Variants in KALRN observed in about 807,000 individuals in gnomAD.
The protein encoded by KALRN is kalirin.
Under a neutral mutation model 353.7 loss-of-function variants are expected in KALRN, and 70 were observed. The observed-to-expected ratio is 0.20, with a 90% CI of 0.16 to 0.24. KALRN has a LOEUF of 0.24. Among genes scored for constraint, KALRN ranks in the 10% least tolerant of loss-of-function variants. The probability of loss-of-function intolerance (pLI) is 1.00; values close to 1 mark genes in which losing one functional copy is unlikely to be tolerated. For synonymous variants in KALRN, 1,391 were observed against 1,434.8 expected, an observed-to-expected ratio of 0.97 and a Z score of 0.69; for missense variants, 2,791 against 3,756.7, an observed-to-expected ratio of 0.74 and a Z score of 6.72.
At chr3:124,356,250 G>A (rs2083391497) in intron 10 of KALRN, among the ~76,000 whole-genome samples, 1 of 151,202 alleles carries the variant, frequency 6.6e-6, no homozygotes, top group South Asian at 2.1e-4. Flanking sequence ...GGAGTCTCTG[G>A]TTTTTATTTG....
At chr3:124,425,876 G>A (rs1327683371) in intron 15 of KALRN, among the ~76,000 whole-genome samples, 1 of 152,096 alleles carries the variant, frequency 6.6e-6, no homozygotes, top group Non-Finnish European at 1.5e-5. Context: ...ATCCGGGGTG[G>A]ACTAATATCT....
intron 5 of KALRN, among the ~76,000 whole-genome samples, chr3:124,289,579 C>A (rs2076247642): frequency 6.6e-6 from 1 of 152,156 alleles, no homozygotes; most frequent in Non-Finnish European, 1.5e-5. Flanking sequence ...GTGTAAACCT[C>A]ATTGTGTAGA....
chr3:124,258,429 A>T (rs1033586772), intron 3 of KALRN, among the ~76,000 whole-genome samples: 2 of 151,738 alleles, frequency 1.3e-5, no homozygotes, highest in African/African-American at 4.8e-5. Context: ...CTCCTCCCTT[A>T]TTTCTTTGAC....
intron 1 of KALRN, among the ~76,000 whole-genome samples, chr3:124,166,411 G>A (rs770566609): frequency 2.0e-5 from 3 of 152,246 alleles, no homozygotes; most frequent in Non-Finnish European, 2.9e-5. Context: ...TTTCATAGAT[G>A]TTTCTCCTTC....
intron 33 of KALRN, chr3:124,519,427 G>A (rs765616882): frequency 2.4e-4 from 237 of 985,250 alleles, no homozygotes; most frequent in Middle Eastern, 1.5e-3. Flanking sequence ...AAGAGGCAGA[G>A]ATGATGATTC....
chr3:124,457,225 A>T (rs2059402701), intron 23 of KALRN, among the ~76,000 whole-genome samples: 1 of 152,024 alleles, frequency 6.6e-6, no homozygotes, highest in South Asian at 2.1e-4. Context: ...GTGCGCCACC[A>T]TGCCTAGCTA....
intron 9 of KALRN, among the ~76,000 whole-genome samples, chr3:124,341,696 T>C (rs2081736818): frequency 6.6e-6 from 1 of 152,162 alleles, no homozygotes; most frequent in Admixed American, 6.5e-5. Flanking sequence ...ATTAAGCAAC[T>C]ACTCTGTGCT....
chr3:124,052,288 T>A (rs1348245149), intron 1 of KALRN, among the ~76,000 whole-genome samples: 1 of 152,208 alleles, frequency 6.6e-6, no homozygotes, highest in Non-Finnish European at 1.5e-5. Flanking sequence ...GTTCTCAGAA[T>A]CTTTTCAAAC....
At chr3:124,532,565 G>T (rs1016676029) in intron 33 of KALRN, among the ~76,000 whole-genome samples, 1 of 151,882 alleles carries the variant, frequency 6.6e-6, no homozygotes, top group Non-Finnish European at 1.5e-5. Flanking sequence ...CAGCATGCTG[G>T]GAGGCTGAGG....
At chr3:124,431,277 C>A (rs974276862) in intron 16 of KALRN, among the ~76,000 whole-genome samples, 8 of 152,196 alleles carry the variant, frequency 5.3e-5, no homozygotes, top group Admixed American at 5.2e-4. Flanking sequence ...GAGCAGATTG[C>A]ACCAGATATT....
chr3:124,378,188 G>A (rs2086848443), intron 10 of KALRN, among the ~76,000 whole-genome samples: 1 of 151,126 alleles, frequency 6.6e-6, no homozygotes, highest in Non-Finnish European at 1.5e-5. Flanking sequence ...TCCTTTGTTG[G>A]CTGATCAACT....
chr3:124,299,715 A>T (rs971562379), intron 6 of KALRN, among the ~76,000 whole-genome samples: 20 of 152,232 alleles, frequency 1.3e-4, no homozygotes, highest in African/African-American at 4.6e-4. Context: ...GGTGCCTGGC[A>T]CATAGTAAGT....
At chr3:124,372,530 T>C (rs570777540) in intron 10 of KALRN, among the ~76,000 whole-genome samples, 2 of 151,968 alleles carry the variant, frequency 1.3e-5, no homozygotes, top group South Asian at 4.1e-4. Flanking sequence ...CAGTAGTAAG[T>C]TTTTTTGGTA....
rs117071299 is a variant in KALRN at position 124,342,971 on chromosome 3, A to G, written c.1648-4172A>G. Among the ~76,000 whole-genome samples the G allele has an allele frequency of 0.014, 2,111 of 152,248 alleles. 89 individuals carry two copies. The East Asian group carries it at 0.15, about 11-fold the overall frequency. Reference sequence around the variant, plus strand: ...CATGCCCCTGGGGGCCAGGCTTACCACCTGCCTCTCCATCTCCCCCATAGC... The same window carrying G: ...CATGCCCCTGGGGGCCAGGCTTACCGCCTGCCTCTCCATCTCCCCCATAGC... On this transcript the variant is annotated intron_variant, in intron 9 of 59. Coordinates refer to ENST00000682506, the MANE Select transcript of KALRN (RefSeq NM_001388419.1).
In KALRN at chr3:124,678,333, G is replaced by A; in HGVS notation, c.7317+20G>A. 6.2e-7 allele frequency: 1 copy of A among 1,612,154 alleles called. No individual in the cohort carries two copies. Among genetic ancestry groups the A allele is most frequent in the Non-Finnish European group, 8.5e-7 (1 of 1,178,784 alleles). Reference sequence around the variant, plus strand: ...GTTAAAGTGAGTAAGGTATTCCGGAGCTGCGTCCCCACCTGTCATCCACTC... The same window carrying A: ...GTTAAAGTGAGTAAGGTATTCCGGAACTGCGTCCCCACCTGTCATCCACTC... On this transcript the variant is annotated intron_variant, in intron 50 of 59. Transcript: ENST00000682506.
At chr3:124,211,168 G>A (rs1266723166) in intron 1 of KALRN, among the ~76,000 whole-genome samples, 3 of 152,140 alleles carry the variant, frequency 2.0e-5, no homozygotes, top group African/African-American at 7.2e-5. Context: ...CCATCACCTA[G>A]CACTTACTGG....
chr3:124,662,444 A>G (rs946820839), intron 45 of KALRN, among the ~76,000 whole-genome samples: 5 of 152,106 alleles, frequency 3.3e-5, no homozygotes, highest in African/African-American at 1.2e-4. Flanking sequence ...AGAGTTCTTT[A>G]TGAGTGTTTA....
At chr3:124,324,052 G>A (rs1366581685) in intron 6 of KALRN, among the ~76,000 whole-genome samples, 1 of 152,200 alleles carries the variant, frequency 6.6e-6, no homozygotes, top group Non-Finnish European at 1.5e-5. Flanking sequence ...TAGTGCATCA[G>A]TAACCCAGAT....
chr3:124,469,882 C>T (rs148168857), intron 25 of KALRN, among the ~76,000 whole-genome samples: 1 of 152,308 alleles, frequency 6.6e-6, no homozygotes, highest in African/African-American at 2.4e-5. Context: ...ATGAAGGATA[C>T]ACTTCCCCAG....
Sources: allele counts gnomAD v4.1 joint callset (sites outside exome capture counted in the v4.1 genomes callset), GRCh38; gene constraint gnomAD v4.1.1; transcripts MANE v1.5; gene names NCBI Gene and HGNC (gene_info 2026-07-23, HGNC 2026-07-21).